Variants in TRIM2 observed in about 807,000 individuals in gnomAD.
The protein encoded by TRIM2 is tripartite motif containing 2.
Under a neutral mutation model 75.2 loss-of-function variants are expected in TRIM2, and 20 were observed. The ratio of observed to expected loss-of-function variants is 0.27; its 90% CI spans 0.19 to 0.39. The LOEUF (loss-of-function observed/expected upper bound fraction) is 0.39. TRIM2 is among the 10% of genes least tolerant of loss of function. TRIM2 has a pLI of 1.00. For synonymous variants in TRIM2, 373 were observed against 388.3 expected (o/e 0.96, Z 0.46); for missense variants, 660 against 990.8 (o/e 0.67, Z 4.48).
intron 1 of TRIM2, among the ~76,000 whole-genome samples, chr4:153,170,960 T>G (rs1034328512): frequency 1.3e-5 from 2 of 152,228 alleles, no homozygotes; most frequent in African/African-American, 4.8e-5. Context: ...CACTCATAAC[T>G]ACCATTAGCT....
intron 3 of TRIM2, among the ~76,000 whole-genome samples, chr4:153,285,294 A>T (rs181679642): frequency 3.9e-4 from 59 of 152,246 alleles, no homozygotes; most frequent in Non-Finnish European, 1.5e-4. Flanking sequence ...ATTGATCTAT[A>T]TGCCTATTCT....
chr4:153,174,785 T>A (rs1048136893), intron 1 of TRIM2, among the ~76,000 whole-genome samples: 2 of 152,232 alleles, frequency 1.3e-5, no homozygotes, highest in Admixed American at 1.3e-4. Flanking sequence ...ACAAGCCTAG[T>A]TCTTGCCATA....
rs576637640 is a variant in TRIM2 at position 153,287,735 on chromosome 4, A to G, written c.454-5247A>G. ...GCTTGTATTTATATGTTGTATGCTC[A>G]GCTACATAGGTTTGTAATTATAGAT... On this transcript the variant is annotated intron_variant, in intron 3 of 11. Transcript: ENST00000338700. Among the ~76,000 whole-genome samples, 6 of 152,350 alleles carry G rather than the reference A, an allele frequency of 3.9e-5. No individual in the cohort carries two copies. In the East Asian group the frequency reaches 1.2e-3, roughly 29 times the overall value.
intron 11 of TRIM2, among the ~76,000 whole-genome samples, chr4:153,331,253 T>C (rs928268281): frequency 2.0e-5 from 3 of 152,060 alleles, no homozygotes; most frequent in South Asian, 4.2e-4. Flanking sequence ...AGTCTGGGAG[T>C]TGGAGATTGC....
chr4:153,163,137 G>A (rs1035123693), intron 1 of TRIM2, among the ~76,000 whole-genome samples: 1 of 152,146 alleles, frequency 6.6e-6, no homozygotes, highest in African/African-American at 2.4e-5. Context: ...TCTGAAACTT[G>A]TAGATTATTG....
intron 1 of TRIM2, among the ~76,000 whole-genome samples, chr4:153,267,772 CTTT>C (rs1270760046): frequency 6.6e-6 from 1 of 152,038 alleles, no homozygotes; most frequent in East Asian, 1.9e-4. Flanking sequence ...TCTTTTCCTT[CTTT>C]ATTTCTTTCT....
intron 1 of TRIM2, among the ~76,000 whole-genome samples, chr4:153,159,258 C>T (rs1729516946): frequency 6.7e-6 from 1 of 149,638 alleles, no homozygotes; most frequent in Admixed American, 6.6e-5. Flanking sequence ...CATTTTTATA[C>T]CACTTTACAT....
chr4:153,175,016 TG>T (rs1190165799), intron 1 of TRIM2, among the ~76,000 whole-genome samples: 2 of 45,302 alleles, frequency 4.4e-5, no homozygotes, highest in East Asian at 7.1e-4. Context: ...TGTTTTGTTT[TG>T]TTTTTTTTTG....
In TRIM2 at chr4:153,308,123, G is replaced by A. The variant is rs1765435413; in HGVS notation, c.1511-7362G>A. The A allele has an allele frequency of 1.4e-5, 14 of 1,024,062 alleles. No homozygotes were observed. The South Asian group carries it at 1.8e-4, about 13-fold the overall frequency. 63.4% of individuals were successfully genotyped at this position (1,024,062 alleles called of 1,614,324 possible). On this transcript the variant is annotated intron_variant, in intron 6 of 11. Transcript: ENST00000338700. ...ACATGCTCCGCTCGGTCATGACGCTGATCCACTTGGGAACTTCAGTTCCTT... is the reference window on the plus strand; with the variant it reads ...ACATGCTCCGCTCGGTCATGACGCTAATCCACTTGGGAACTTCAGTTCCTT...
intron 1 of TRIM2, among the ~76,000 whole-genome samples, chr4:153,195,212 C>T (rs918095962): frequency 1.3e-5 from 2 of 152,116 alleles, no homozygotes; most frequent in African/African-American, 4.8e-5. Flanking sequence ...TTCCTGCAAG[C>T]CAAGGAACAC....
At chr4:153,156,635 C>T (rs1729258054) in intron 1 of TRIM2, 1 of 152,162 alleles carries the variant, frequency 6.6e-6, no homozygotes, top group Non-Finnish European at 1.5e-5. Context: ...AGCTTATAAG[C>T]AGCACCATTG....
At chr4:153,302,779 C>T (rs1399648792) in intron 6 of TRIM2, among the ~76,000 whole-genome samples, 1 of 152,242 alleles carries the variant, frequency 6.6e-6, no homozygotes, top group Non-Finnish European at 1.5e-5. Flanking sequence ...ACCACCTTCT[C>T]TTTCAAAATA....
chr4:153,276,343 A>G, intron 3 of TRIM2: 1 of 592,478 alleles, frequency 1.7e-6, no homozygotes, highest in Non-Finnish European at 3.0e-6. Flanking sequence ...TGTCTCCTTC[A>G]CACATATTGT....
chr4:153,218,103 G>GA, intron 1 of TRIM2, among the ~76,000 whole-genome samples: 1 of 152,232 alleles, frequency 6.6e-6, no homozygotes, highest in Admixed American at 6.5e-5. Context: ...TTGCGTACAA[G>GA]AAAAAATAGA....
Position 153,328,530 on chromosome 4 carries a change from G to A in TRIM2, c.2023G>A (p.Val675Met), listed in dbSNP as rs553203415. Reference sequence around the variant, plus strand: ...AATAATTTAAAAATATTTCATACAGGTGTTTAATCAGGAAGGAGAATTCAT... The same window carrying A: ...AATAATTTAAAAATATTTCATACAGATGTTTAATCAGGAAGGAGAATTCAT... Reference protein sequence around the residue: ...ITDFHNHSVKVFNQEGEFMLK... With the variant: ...ITDFHNHSVKMFNQEGEFMLK... Residue 675 changes from valine (V) to methionine (M), a missense_variant and splice_region_variant, in exon 11 of 12, where the codon GTG (valine) becomes ATG (methionine). By Grantham distance (21) the Val-to-Met change is conservative. Coordinates refer to ENST00000338700, the MANE Select transcript of TRIM2 (RefSeq NM_015271.5). The A allele has an allele frequency of 1.2e-6, 2 of 1,602,652 alleles. No individual in the cohort carries two copies. The highest frequency in any genetic ancestry group is 4.5e-5 in the East Asian group (2 of 44,334).
intron 1 of TRIM2, among the ~76,000 whole-genome samples, chr4:153,156,441 T>G (rs768299613): frequency 2.0e-5 from 3 of 152,124 alleles, no homozygotes; most frequent in Non-Finnish European, 4.4e-5. Context: ...GTGAGAATTC[T>G]AACCATTCTT....
chr4:153,249,562 CATT>C lies in TRIM2; in HGVS notation c.31-20768_31-20766del, dbSNP rs996173610. The stretch of plus-strand genomic sequence containing the variant: ...GGAAAGCATGTGTGGAAGAGGCAGG[CATT>C]ATTAGCAGCGCGTCCGCCTCGGCCA... On this transcript the variant is annotated intron_variant, in intron 1 of 11. Transcript: ENST00000338700. 6.6e-5 allele frequency among the ~76,000 whole-genome samples: 10 copies of C among 152,276 alleles called. No individual in the cohort carries two copies. The East Asian group carries it at 1.9e-3, about 29-fold the overall frequency.
At chr4:153,267,627 G>C (rs1755576159) in intron 1 of TRIM2, among the ~76,000 whole-genome samples, 1 of 152,040 alleles carries the variant, frequency 6.6e-6, no homozygotes, top group South Asian at 2.1e-4. Flanking sequence ...CTCCAGCCTG[G>C]GTGACAAAGC....
In TRIM2 at chr4:153,248,400, A is replaced by G. The variant is rs1236513864; in HGVS notation, c.31-21935A>G. Among the ~76,000 whole-genome samples the G allele has an allele frequency of 6.6e-6, 1 of 152,222 alleles. No individual in the cohort carries two copies. The highest frequency in any genetic ancestry group is 2.4e-5 in the African/African-American group (1 of 41,466). ...CCCGTACACTTGAGGTAATTGAGGA[A>G]TACAGGTTAAATTACTTACCCAGGG... On this transcript the variant is annotated intron_variant, in intron 1 of 11. Transcript: ENST00000338700. This position sits in a 1 kb window ranked among gnomAD's most constrained non-coding sequence, Gnocchi z 4.0.
Sources: gnomAD v4.1 joint callset for allele counts (sites outside exome capture counted in the v4.1 genomes callset) on GRCh38, gnomAD v4.1.1 for gene constraint, Gnocchi (gnomAD v3.1) non-coding constraint, MANE v1.5 for transcripts, NCBI Gene and HGNC (gene_info 2026-07-23, HGNC 2026-07-21) for gene names.